RAD51B: variants seen among roughly 807,000 people sequenced by gnomAD.
RAD51B encodes the protein RAD51 paralog B.
Under a neutral mutation model 42.2 loss-of-function variants are expected in RAD51B, and 38 were observed. The observed-to-expected ratio is 0.90, with a 90% CI of 0.70 to 1.18. RAD51B has a LOEUF of 1.18. Among genes scored for constraint, RAD51B ranks in the 50% most tolerant of loss-of-function variants. RAD51B has a pLI of 0.00. For missense variants in RAD51B, 373 were observed against 400.7 expected (o/e 0.93, Z 0.59); for synonymous variants, 154 against 145.2 (o/e 1.06, Z -0.43).
rs538528669 is a variant in RAD51B at position 68,171,315 on chromosome 14, T to G, written c.757-120569T>G. ...TTTTTTTGTTTGTTTGTTTTTGTTTTGAGATGGAGTTTCACTCCTGTTGCC... is the reference window on the plus strand; with the variant it reads ...TTTTTTTGTTTGTTTGTTTTTGTTTGGAGATGGAGTTTCACTCCTGTTGCC... On this transcript the variant is annotated intron_variant, in intron 7 of 10. Transcript: ENST00000471583. 3.9e-5 allele frequency among the ~76,000 whole-genome samples: 6 copies of G among 152,306 alleles called. No homozygotes were observed. In the South Asian group the frequency reaches 1.0e-3, roughly 26 times the overall value.
At chr14:68,672,180 T>C (rs1893173055) in intron 11 of RAD51B, among the ~76,000 whole-genome samples, 1 of 152,200 alleles carries the variant, frequency 6.6e-6, no homozygotes, top group South Asian at 2.1e-4. Context: ...TTTGTTCTCC[T>C]CCCCATCCTT....
downstream of RAD51B, among the ~76,000 whole-genome samples, chr14:68,481,569 G>GAC (rs1353579909): frequency 3.3e-5 from 5 of 152,194 alleles, no homozygotes; most frequent in Admixed American, 1.3e-4. Flanking sequence ...CTGCGTGTCT[G>GAC]ACACACACTT....
intron 7 of RAD51B, among the ~76,000 whole-genome samples, chr14:68,177,068 C>G (rs560417887): frequency 6.4e-4 from 98 of 152,248 alleles, no homozygotes; most frequent in African/African-American, 2.2e-3. Context: ...CAGAATGGGC[C>G]AAGAAAGGTA....
At chr14:68,330,511 C>T (rs1325710681) in intron 8 of RAD51B, among the ~76,000 whole-genome samples, 1 of 152,022 alleles carries the variant, frequency 6.6e-6, no homozygotes, top group African/African-American at 2.4e-5. Context: ...CTATGATTAC[C>T]AGATTGAGGA....
rs4902597 is a variant in RAD51B, at chr14:68,494,602, T to C, written c.1036+26352T>C. On this transcript the variant is annotated intron_variant, in intron 10 of 10. Coordinates refer to the RAD51B transcript ENST00000487270. ...TCTTTCCACTGTAAGCTGCTTCCTA[T>C]TCTTGTTGCCTTTGATGATCTTTGT... 2.5e-3 allele frequency among the ~76,000 whole-genome samples: 387 copies of C among 152,298 alleles called. 2 individuals carry two copies. Among genetic ancestry groups the C allele is most frequent in the African/African-American group, 6.8e-3 (283 of 41,574 alleles).
In RAD51B at chr14:68,565,232, C is replaced by A. The variant is rs932486470; in HGVS notation, c.1037-29253C>A. ...GCAGTGCCTTTGAAGTCAGCAGCAA[C>A]CGCAGCAGGCTCAGCTGTGAGGGTG... is the stretch of plus-strand genomic sequence containing the variant. On this transcript the variant is annotated intron_variant, in intron 10 of 10. Transcript: ENST00000487270. The surrounding 1 kb of genome is among the most constrained non-coding windows in gnomAD (Gnocchi z 4.1). Among the ~76,000 whole-genome samples, 1 of 152,208 alleles carries A rather than the reference C, an allele frequency of 6.6e-6. No individual in the cohort carries two copies. The highest frequency in any genetic ancestry group is 2.4e-5 in the African/African-American group (1 of 41,452).
chr14:67,888,984 T>C (rs2043141887), intron 7 of RAD51B, among the ~76,000 whole-genome samples: 1 of 152,198 alleles, frequency 6.6e-6, no homozygotes, highest in Non-Finnish European at 1.5e-5. Context: ...TGCTTTTAAG[T>C]AGTAACTGTA....
intron 7 of RAD51B, among the ~76,000 whole-genome samples, chr14:68,038,455 A>T (rs2140389139): frequency 6.6e-6 from 1 of 151,688 alleles, no homozygotes; most frequent in East Asian, 1.9e-4. Flanking sequence ...CTCCCTCAAG[A>T]TGCAGTGGTG....
intron 4 of RAD51B, among the ~76,000 whole-genome samples, chr14:67,844,549 T>G (rs2041543299): frequency 6.6e-6 from 1 of 150,762 alleles, no homozygotes; most frequent in Non-Finnish European, 1.5e-5. Flanking sequence ...ATAGGATAAT[T>G]AGGTCTTTTT....
intron 7 of RAD51B, among the ~76,000 whole-genome samples, chr14:68,265,904 G>A (rs1289998452): frequency 1.3e-5 from 2 of 152,206 alleles, no homozygotes; most frequent in Admixed American, 6.5e-5. Flanking sequence ...AAATATAATT[G>A]TGCTCATTTA....
At chr14:68,364,839 T>A (rs1052683060) in intron 8 of RAD51B, among the ~76,000 whole-genome samples, 2 of 152,210 alleles carry the variant, frequency 1.3e-5, no homozygotes, top group Non-Finnish European at 2.9e-5. Flanking sequence ...ATTTTATTTT[T>A]ATTGCTGCTT....
chr14:68,384,646 G>T (rs2083553586), intron 8 of RAD51B, among the ~76,000 whole-genome samples: 1 of 152,216 alleles, frequency 6.6e-6, no homozygotes, highest in Non-Finnish European at 1.5e-5. Flanking sequence ...CTGAAGGAAA[G>T]TTGTCTTGGG....
At chr14:68,595,163 C>T in exon 11 of RAD51B, 1 of 1,066,196 alleles carries the variant, frequency 9.4e-7, no homozygotes, top group Non-Finnish European at 1.1e-6. Flanking sequence ...TCTTCCCTCC[C>T]AATTATCCAC....
At chr14:68,196,094 C>T (rs1374729616) in intron 7 of RAD51B, among the ~76,000 whole-genome samples, 1 of 150,454 alleles carries the variant, frequency 6.6e-6, no homozygotes, top group Non-Finnish European at 1.5e-5. Flanking sequence ...GTCCCAGCTA[C>T]TTGGGAGGCT....
At chr14:68,619,174 G>A (rs2140114135) in intron 10 of RAD51B, among the ~76,000 whole-genome samples, 1 of 152,254 alleles carries the variant, frequency 6.6e-6, no homozygotes, top group East Asian at 1.9e-4. Context: ...AATAGAATGA[G>A]TAAATTAAAA....
intron 9 of RAD51B, among the ~76,000 whole-genome samples, chr14:68,446,789 C>A (rs911970980): frequency 6.6e-6 from 1 of 152,166 alleles, no homozygotes; most frequent in African/African-American, 2.4e-5. Flanking sequence ...ATGAGGCCAT[C>A]ATCTGAGGCC....
chr14:67,872,067 A>G (rs977913557), intron 5 of RAD51B, among the ~76,000 whole-genome samples: 1 of 150,712 alleles, frequency 6.6e-6, no homozygotes, highest in Non-Finnish European at 1.5e-5. Context: ...TATTTAACAT[A>G]GTGTTGGAAG....
intron 10 of RAD51B, among the ~76,000 whole-genome samples, chr14:68,609,095 C>T (rs1211618347): frequency 6.6e-6 from 1 of 152,310 alleles, no homozygotes; most frequent in African/African-American, 2.4e-5. Context: ...GGCTCTTGTG[C>T]CCCCGCCTCT....
intron 7 of RAD51B, among the ~76,000 whole-genome samples, chr14:67,969,094 G>A (rs1040485560): frequency 2.0e-5 from 3 of 152,122 alleles, no homozygotes; most frequent in Non-Finnish European, 4.4e-5. Flanking sequence ...TCACTATCAC[G>A]AGAACAGTAT....
Sources: allele counts gnomAD v4.1 joint callset (sites outside exome capture counted in the v4.1 genomes callset), GRCh38; gene constraint gnomAD v4.1.1; non-coding constraint Gnocchi (gnomAD v3.1); transcripts MANE v1.5; gene names NCBI Gene and HGNC (gene_info 2026-07-23, HGNC 2026-07-21).